The following BEND4 variants were observed in gnomAD, a reference collection of about 807,000 sequenced individuals.
The protein encoded by BEND4 is BEN domain-containing protein 4.
Under a neutral mutation model 54.7 loss-of-function variants are expected in BEND4, and 27 were observed. That is an observed-to-expected ratio of 0.49 (90% CI 0.36 to 0.68). BEND4 has a LOEUF of 0.68. Among genes scored for constraint, BEND4 ranks in the 30% least tolerant of loss-of-function variants. The pLI is 0.00. For synonymous variants in BEND4, 327 were observed against 299.5 expected, an observed-to-expected ratio of 1.09 and a Z score of -0.95; for missense variants, 702 against 697.2, an observed-to-expected ratio of 1.01 and a Z score of -0.08.
intron 3 of BEND4, among the ~76,000 whole-genome samples, chr4:42,140,782 C>T (rs2153146919): frequency 6.6e-6 from 1 of 152,310 alleles, no homozygotes; most frequent in South Asian, 2.1e-4. Flanking sequence ...GTCACCTGTC[C>T]TTGCACTCTG....
chr4:42,129,616 C>G (rs1371866165), intron 3 of BEND4, among the ~76,000 whole-genome samples: 1 of 152,128 alleles, frequency 6.6e-6, no homozygotes, highest in Non-Finnish European at 1.5e-5. Context: ...TTCAAAAAAC[C>G]TGACAAGAAC....
rs796199614 is a variant in BEND4 at position 42,126,542 on chromosome 4, A to G, written c.1055-868T>C. ...CCCTTTGGTTATACATTTTACTATT[A>G]AACTATTTTTTGAGGCTTAGTCTTA... On this transcript the variant is annotated intron_variant, in intron 3 of 5. Transcript: ENST00000502486. Among the ~76,000 whole-genome samples the G allele has an allele frequency of 2.0e-5, 3 of 152,222 alleles. No homozygotes were observed. The South Asian group carries it at 6.2e-4, about 32-fold the overall frequency.
chr4:42,151,959 A>AAGGGCGGCG lies in BEND4; in HGVS notation c.176_184dup (p.Pro61_Phe62insSerProPro). The AAGGGCGGCG allele has an allele frequency of 8.0e-7, 1 of 1,247,274 alleles. No individual in the cohort carries two copies. The highest frequency in any genetic ancestry group is 4.3e-5 in the Admixed American group (1 of 23,446). 77.3% of individuals were successfully genotyped at this position (1,247,274 alleles called of 1,614,324 possible). A position where few individuals can be genotyped will look rare whatever the true frequency, so the allele number is the denominator to read the frequency against. On this transcript the variant is annotated inframe_insertion, in exon 2 of 6. Coordinates refer to ENST00000502486, the MANE Select transcript of BEND4 (RefSeq NM_207406.4). ...GATGGAGACGGCGGCGTGCGGCGCG[A>AAGGGCGGCG]AGGGCGGCGGGGGCGGCGGGGGCGC...
At chr4:42,150,983 C>G (rs369707675) in intron 2 of BEND4, 14 of 152,324 alleles carry the variant, frequency 9.2e-5, no homozygotes, top group African/African-American at 2.6e-4. Context: ...GATGGTTCCC[C>G]GCGCCCGAAA....
chr4:42,124,174 G>C (rs528569069), intron 4 of BEND4, among the ~76,000 whole-genome samples: 64 of 152,292 alleles, frequency 4.2e-4, no homozygotes, highest in African/African-American at 1.5e-3. Flanking sequence ...GGGCAACATA[G>C]TGACACCCCA....
rs1719745408 is a variant in BEND4, at chr4:42,115,065, A to G, written c.*2453T>C. On this transcript the variant is annotated 3_prime_UTR_variant, in exon 6 of 6. Coordinates refer to ENST00000502486, the MANE Select transcript of BEND4 (RefSeq NM_207406.4). ...AAGCTGTAGGTCCGAGACCCAGCAG[A>G]GGAGTTAGAACTGGCTGTGCGATGC... is the stretch of plus-strand genomic sequence containing the variant. The G allele has an allele frequency of 6.6e-6, 1 of 152,298 alleles. No homozygotes were observed. 9.4% of individuals were successfully genotyped at this position (152,298 alleles called of 1,614,324 possible). A position where few individuals can be genotyped will look rare whatever the true frequency, so the allele number is the denominator to read the frequency against.
At chr4:42,135,618 A>G (rs1720670675) in intron 3 of BEND4, among the ~76,000 whole-genome samples, 1 of 152,028 alleles carries the variant, frequency 6.6e-6, no homozygotes, top group African/African-American at 2.4e-5. Context: ...TAAAAAAAAT[A>G]CAAAAAATTA....
Position 42,151,807 on chromosome 4 carries a change from A to T in BEND4, c.337T>A (p.Leu113Met). ...SCTPATSQGHLRTPAQPPPAS... is the reference protein window; with the variant it reads ...SCTPATSQGHMRTPAQPPPAS... The stretch of plus-strand genomic sequence containing the variant: ...GGCGGCGGCTGCGCCGGAGTCCTCA[A>T]GTGGCCCTGGGATGTGGCGGGCGTG... Residue 113 changes from leucine to methionine, a missense_variant, in exon 2 of 6, where the codon TTG (leucine) becomes ATG (methionine). Transcript: ENST00000502486. 6.8e-7 allele frequency: 1 copy of T among 1,477,408 alleles called. No individual in the cohort carries two copies. Among genetic ancestry groups the T allele is most frequent in the Non-Finnish European group, 8.9e-7 (1 of 1,122,890 alleles). The allele number at this position is 1,477,408 out of a possible 1,614,324, so 91.5% of individuals were successfully genotyped here. A position where few individuals can be genotyped will look rare whatever the true frequency, so the allele number is the denominator to read the frequency against.
At chr4:42,128,804 T>C (rs763748538) in intron 3 of BEND4, among the ~76,000 whole-genome samples, 2 of 151,194 alleles carry the variant, frequency 1.3e-5, no homozygotes, top group Non-Finnish European at 2.9e-5. Flanking sequence ...GGCGTGGTGG[T>C]GGGCGCCTGT....
chr4:42,120,992 G>C (rs1369959635), intron 4 of BEND4, among the ~76,000 whole-genome samples: 1 of 152,062 alleles, frequency 6.6e-6, no homozygotes, highest in African/African-American at 2.4e-5. Context: ...GACTAATTAC[G>C]GGAATTTCCG....
chr4:42,135,889 A>G (rs1338849944), intron 3 of BEND4, among the ~76,000 whole-genome samples: 1 of 152,236 alleles, frequency 6.6e-6, no homozygotes, highest in Non-Finnish European at 1.5e-5. Flanking sequence ...AAACAATCAC[A>G]GATACCAAGT....
intron 3 of BEND4, among the ~76,000 whole-genome samples, chr4:42,133,263 T>C (rs1280223153): frequency 5.3e-5 from 8 of 152,146 alleles, no homozygotes; most frequent in Admixed American, 5.2e-4. Flanking sequence ...AAAGTAAACA[T>C]GGAGAGGGAT....
At position 42,117,142 on chromosome 4, in the gene BEND4, T is replaced by A. The variant is rs1026275195; in HGVS notation, c.*376A>T. The A allele has an allele frequency of 1.2e-5, 2 of 170,634 alleles. No individual in the cohort carries two copies. The highest frequency in any genetic ancestry group is 2.5e-5 in the Non-Finnish European group (2 of 81,120). The allele number at this position is 170,634 out of a possible 1,614,324, so 10.6% of individuals were successfully genotyped here. A position where few individuals can be genotyped will look rare whatever the true frequency, so the allele number is the denominator to read the frequency against. On this transcript the variant is annotated 3_prime_UTR_variant, in exon 6 of 6. Coordinates refer to ENST00000502486, the MANE Select transcript of BEND4 (RefSeq NM_207406.4). The stretch of plus-strand genomic sequence containing the variant: ...TTGTCCCTTAACACAACTCCATGTC[T>A]CCACCTTCTCCCATGGGCAGAAACA...
At position 42,125,622 on chromosome 4, in the gene BEND4, G is replaced by A; in HGVS notation, c.1107C>T (p.Asn369=). ...DYLKMVLQHH[N]QLLIPQPADQ... is the part of the protein sequence containing the mutation. ...CAGCTGGCTGTGGTATCAGGAGTTG[G>A]TTGTGGTGCTGCAGAACCATCTTCA... The change falls in exon 4 of 6, where the codon AAC becomes AAT. Residue 369 remains asparagine, a synonymous_variant. Coordinates refer to ENST00000502486, the MANE Select transcript of BEND4 (RefSeq NM_207406.4). The A allele has an allele frequency of 2.5e-6, 4 of 1,613,888 alleles. No individual in the cohort carries two copies. Among genetic ancestry groups the A allele is most frequent in the Middle Eastern group, 1.7e-4 (1 of 6,060 alleles).
chr4:42,140,478 T>C (rs1480059866), intron 3 of BEND4, among the ~76,000 whole-genome samples: 2 of 152,246 alleles, frequency 1.3e-5, no homozygotes, highest in East Asian at 1.9e-4. Flanking sequence ...CAGGGTTGAA[T>C]GTTTACAGTA....
intron 3 of BEND4, among the ~76,000 whole-genome samples, chr4:42,131,324 T>G (rs1720500845): frequency 6.6e-6 from 1 of 152,162 alleles, no homozygotes; most frequent in African/African-American, 2.4e-5. Flanking sequence ...TATAATTATA[T>G]GCATAGAAAA....
At chr4:42,134,012 T>C (rs1253099639) in intron 3 of BEND4, among the ~76,000 whole-genome samples, 3 of 152,232 alleles carry the variant, frequency 2.0e-5, no homozygotes, top group Non-Finnish European at 2.9e-5. Context: ...GAATTCTTCA[T>C]TGAGGCCACT....
Position 42,117,401 on chromosome 4 carries a change from GAGAATGTGT to G in BEND4, c.*108_*116del. On this transcript the variant is annotated 3_prime_UTR_variant, in exon 6 of 6. Coordinates refer to ENST00000502486, the MANE Select transcript of BEND4 (RefSeq NM_207406.4). The stretch of plus-strand genomic sequence containing the variant: ...TTTCTATTTGGGTACTGTGGCAGCT[GAGAATGTGT>G]AGACTATGGCAGAATGACAGGCTTT... The G allele has an allele frequency of 1.4e-6, 1 of 726,178 alleles. No homozygotes were observed. The highest frequency in any genetic ancestry group is 2.3e-6 in the Non-Finnish European group (1 of 441,568). 45.0% of individuals were successfully genotyped at this position (726,178 alleles called of 1,614,324 possible). A position where few individuals can be genotyped will look rare whatever the true frequency, so the allele number is the denominator to read the frequency against.
At position 42,128,440 on chromosome 4, in the gene BEND4, G is replaced by A. The variant is rs974266981; in HGVS notation, c.1055-2766C>T. On this transcript the variant is annotated intron_variant, in intron 3 of 5. Transcript: ENST00000502486. ...AGATCAAGACCATCCTGGCTAACAC[G>A]GTGAAACCCCGTTTCTATTAAAAAA... Among the ~76,000 whole-genome samples, 11 of 152,108 alleles carry A rather than the reference G, an allele frequency of 7.2e-5. No homozygotes were observed. In the East Asian group the frequency reaches 7.8e-4, roughly 11 times the overall value.
Sources: gnomAD v4.1 joint callset for allele counts (sites outside exome capture counted in the v4.1 genomes callset) on GRCh38, gnomAD v4.1.1 for gene constraint, MANE v1.5 for transcripts, NCBI Gene and HGNC (gene_info 2026-07-23, HGNC 2026-07-21) for gene names.